FRMD6: variants seen among roughly 807,000 people sequenced by gnomAD.
FRMD6 encodes the protein FERM domain containing 6, also known as FERM domain-containing protein 6.
FRMD6 carries 37 observed loss-of-function variants against 73.2 expected under a neutral mutation model. That is an observed-to-expected ratio of 0.51 (90% CI 0.39 to 0.66). The LOEUF is 0.66. Ranked by LOEUF, FRMD6 falls within the 30% of genes least tolerant of loss-of-function variation. FRMD6 has a pLI of 0.00. For missense variants in FRMD6, 714 were observed against 780.5 expected (o/e 0.91, Z 1.02); for synonymous variants, 273 against 282.2 (o/e 0.97, Z 0.33).
chr14:51,457,843 A>G, the FRMD6 span, among the ~76,000 whole-genome samples: 1 of 152,218 alleles, frequency 6.6e-6, no homozygotes, highest in African/African-American at 2.4e-5. Flanking sequence ...TCATCTTTGC[A>G]TTCCTAGCAC....
At chr14:51,597,097 C>T (rs1889761078) in intron 2 of FRMD6, among the ~76,000 whole-genome samples, 1 of 152,216 alleles carries the variant, frequency 6.6e-6, no homozygotes, top group South Asian at 2.1e-4. Context: ...TAATCATTCA[C>T]ACATTTTTTG....
At chr14:51,684,431 A>G (rs1333213248) in intron 1 of FRMD6, among the ~76,000 whole-genome samples, 3 of 152,234 alleles carry the variant, frequency 2.0e-5, no homozygotes, top group Non-Finnish European at 2.9e-5. Flanking sequence ...AGTTCAAGCC[A>G]GATTTCTGAG....
At chr14:51,657,493 G>A (rs1892917669) in intron 1 of FRMD6, among the ~76,000 whole-genome samples, 2 of 152,154 alleles carry the variant, frequency 1.3e-5, no homozygotes, top group Admixed American at 6.5e-5. Flanking sequence ...GTCATCTTTA[G>A]CTCAGCATAA....
At chr14:51,580,978 C>CTATT (rs942454840) in intron 2 of FRMD6, among the ~76,000 whole-genome samples, 2 of 152,188 alleles carry the variant, frequency 1.3e-5, no homozygotes, top group Non-Finnish European at 2.9e-5. Context: ...AAACGAAGAC[C>CTATT]TATTACTAGA....
chr14:51,662,933 GA>G (rs914947780), intron 1 of FRMD6, among the ~76,000 whole-genome samples: 5 of 151,420 alleles, frequency 3.3e-5, no homozygotes, highest in Admixed American at 6.6e-5. Flanking sequence ...AAATTTACTA[GA>G]AAAAAAATCC....
chr14:51,444,446 AC>A, the FRMD6 span, among the ~76,000 whole-genome samples: 1 of 152,186 alleles, frequency 6.6e-6, no homozygotes, highest in Admixed American at 6.5e-5. Context: ...CTGGGGTTAC[AC>A]TGCCATTCAT....
chr14:51,696,641 G>A (rs1895957203), intron 2 of FRMD6, among the ~76,000 whole-genome samples: 2 of 151,814 alleles, frequency 1.3e-5, no homozygotes, highest in African/African-American at 2.4e-5. Flanking sequence ...GCTGGGCATG[G>A]TGTCTCATCC....
intron 1 of FRMD6, among the ~76,000 whole-genome samples, chr14:51,543,336 T>C (rs1886298126): frequency 6.6e-6 from 1 of 152,018 alleles, no homozygotes; most frequent in South Asian, 2.1e-4. Context: ...TACTTTTTAT[T>C]AGCATAAGTA....
At chr14:51,539,731 G>A (rs1033499092) in intron 1 of FRMD6, among the ~76,000 whole-genome samples, 1 of 152,098 alleles carries the variant, frequency 6.6e-6, no homozygotes, top group Admixed American at 6.6e-5. Context: ...AAAGTTTCTT[G>A]CCTTGTGGTG....
chr14:51,656,126 A>G (rs552663053), intron 1 of FRMD6, among the ~76,000 whole-genome samples: 32 of 152,342 alleles, frequency 2.1e-4, no homozygotes, highest in African/African-American at 7.5e-4. Flanking sequence ...ACTTTATGCG[A>G]TTTAGTGATG....
At chr14:51,533,302 C>G (rs1171815211) in intron 1 of FRMD6, among the ~76,000 whole-genome samples, 2 of 152,148 alleles carry the variant, frequency 1.3e-5, no homozygotes, top group East Asian at 3.9e-4. Context: ...GGCAATTACT[C>G]AGAGATGTTT....
intron 1 of FRMD6, among the ~76,000 whole-genome samples, chr14:51,503,373 C>G (rs532947912): frequency 6.6e-6 from 1 of 152,208 alleles, no homozygotes; most frequent in African/African-American, 2.4e-5. Flanking sequence ...TATGTTCCTT[C>G]AATACCTAGT....
At chr14:51,422,049 C>G in the FRMD6 span, among the ~76,000 whole-genome samples, 1 of 152,210 alleles carries the variant, frequency 6.6e-6, no homozygotes, top group African/African-American at 2.4e-5. Context: ...CCCTGAGGCT[C>G]ACTTCCCTTT....
intron 2 of FRMD6, among the ~76,000 whole-genome samples, chr14:51,602,766 A>G (rs1471439533): frequency 6.6e-6 from 1 of 152,216 alleles, no homozygotes; most frequent in Admixed American, 6.5e-5. Flanking sequence ...ACAGTTTTTT[A>G]ACACTTATAA....
intron 1 of FRMD6, among the ~76,000 whole-genome samples, chr14:51,667,477 CAG>C (rs1394653588): frequency 6.6e-6 from 1 of 152,086 alleles, no homozygotes; most frequent in Non-Finnish European, 1.5e-5. Context: ...TCGCAACAAT[CAG>C]AAATGTTTTA....
the FRMD6 span, among the ~76,000 whole-genome samples, chr14:51,403,527 G>A: frequency 6.6e-6 from 1 of 152,044 alleles, no homozygotes; most frequent in South Asian, 2.1e-4. Flanking sequence ...CAGCCTCCCT[G>A]GTAGCTAGTA....
intron 1 of FRMD6, among the ~76,000 whole-genome samples, chr14:51,512,485 G>A (rs563787493): frequency 1.3e-5 from 2 of 152,238 alleles, no homozygotes; most frequent in East Asian, 3.9e-4. Context: ...TGTATCCCCA[G>A]GGACAACGTC....
chr14:51,441,728 T>C, the FRMD6 span, among the ~76,000 whole-genome samples: 1 of 152,148 alleles, frequency 6.6e-6, no homozygotes, highest in Non-Finnish European at 1.5e-5. Context: ...TAAATTGACG[T>C]TGGGATGAAG....
the FRMD6 span, among the ~76,000 whole-genome samples, chr14:51,482,625 T>G: frequency 6.5e-4 from 98 of 151,872 alleles, no homozygotes; most frequent in Admixed American, 1.5e-3. Context: ...ATAATACAAC[T>G]ATATCTAGGA....
Sources: gnomAD v4.1 joint callset for allele counts (sites outside exome capture counted in the v4.1 genomes callset) on GRCh38, gnomAD v4.1.1 for gene constraint, MANE v1.5 for transcripts, NCBI Gene and HGNC (gene_info 2026-07-23, HGNC 2026-07-21) for gene names.